PHLPP2: variants seen among roughly 807,000 people sequenced by gnomAD.
PHLPP2 encodes the protein PH domain leucine-rich repeat-containing protein phosphatase 2.
PHLPP2 carries 66 observed loss-of-function variants against 124.9 expected under a neutral mutation model. That is an observed-to-expected ratio of 0.53 (90% CI 0.43 to 0.65). The LOEUF (loss-of-function observed/expected upper bound fraction) is 0.65. Among genes scored for constraint, PHLPP2 ranks in the 30% least tolerant of loss-of-function variants. PHLPP2 has a pLI of 0.00. For missense variants in PHLPP2, 1,685 were observed against 1,600.4 expected, an observed-to-expected ratio of 1.05 and a Z score of -0.90; for synonymous variants, 681 against 624.7, an observed-to-expected ratio of 1.09 and a Z score of -1.34.
At position 71,663,664 on chromosome 16, in the gene PHLPP2, T is replaced by A. The variant is rs185694980; in HGVS notation, c.1985+235A>T. Among the ~76,000 whole-genome samples, 8 of 152,336 alleles carry A rather than the reference T, an allele frequency of 5.3e-5. 1 individual carries two copies. Among genetic ancestry groups the A allele is most frequent in the African/African-American group, 1.7e-4 (7 of 41,578 alleles). The stretch of plus-strand genomic sequence containing the variant: ...CTTTTCTAGATTGACTATTAGACCA[T>A]AATTAAGAAGTCACAACTAAAAATT... On this transcript the variant is annotated intron_variant, in intron 13 of 18. Transcript: ENST00000568954.
At chr16:71,720,728 G>T (rs1394554122) in intron 1 of PHLPP2, among the ~76,000 whole-genome samples, 1 of 152,124 alleles carries the variant, frequency 6.6e-6, no homozygotes, top group Non-Finnish European at 1.5e-5. Context: ...GCCAGGCGTA[G>T]TGGCACATGC....
chr16:71,680,358 T>C (rs548853725), intron 6 of PHLPP2, among the ~76,000 whole-genome samples: 1 of 152,304 alleles, frequency 6.6e-6, no homozygotes, highest in East Asian at 1.9e-4. Context: ...AGTTAGAGCT[T>C]GAAAATACAA....
intron 13 of PHLPP2, among the ~76,000 whole-genome samples, chr16:71,662,194 G>A (rs1435709290): frequency 6.6e-6 from 1 of 151,744 alleles, no homozygotes; most frequent in Non-Finnish European, 1.5e-5. Context: ...TACTTTGGGG[G>A]GCCAAGGTGG....
chr16:71,709,969 C>A (rs369443892), intron 2 of PHLPP2, among the ~76,000 whole-genome samples: 1 of 152,090 alleles, frequency 6.6e-6, no homozygotes, highest in Non-Finnish European at 1.5e-5. Flanking sequence ...AAGAAGTGCG[C>A]GCACTGGAAC....
intron 3 of PHLPP2, among the ~76,000 whole-genome samples, chr16:71,701,380 A>T (rs2045232343): frequency 6.6e-6 from 1 of 151,866 alleles, no homozygotes; most frequent in Non-Finnish European, 1.5e-5. Context: ...GTACATTATT[A>T]CTTTTCAAAG....
intron 9 of PHLPP2, among the ~76,000 whole-genome samples, chr16:71,675,858 G>A (rs2044940875): frequency 6.6e-6 from 1 of 152,140 alleles, no homozygotes; most frequent in East Asian, 1.9e-4. Flanking sequence ...TGAGTAGCTG[G>A]GACCACAGGT....
Position 71,658,325 on chromosome 16 carries a change from C to A in PHLPP2, c.2187G>T (p.Leu729=). 1.2e-6 allele frequency: 2 copies of A among 1,613,806 alleles called. No individual in the cohort carries two copies. Among genetic ancestry groups the A allele is most frequent in the Non-Finnish European group, 1.7e-6 (2 of 1,179,798 alleles). The change falls in exon 15 of 19, where the codon CTG becomes CTT. Residue 729 remains leucine, a synonymous_variant. Coordinates refer to ENST00000568954, the MANE Select transcript of PHLPP2 (RefSeq NM_015020.3). ...ATGTAGCAGGCAAAGCCTCTGGAAT[C>A]AGGATTTCTGTCAAGTCGTTGCAAC... is the stretch of plus-strand genomic sequence containing the variant. The part of the protein sequence containing the change: ...DLSCNDLTEI[L]IPEALPATLQ...
At position 71,673,411 on chromosome 16, in the gene PHLPP2, T is replaced by A. The variant is rs149679358; in HGVS notation, c.1472-1089A>T. Among the ~76,000 whole-genome samples the A allele has an allele frequency of 1.8e-3, 275 of 152,350 alleles. 1 individual carries two copies. Among genetic ancestry groups the A allele is most frequent in the African/African-American group, 6.1e-3 (253 of 41,596 alleles). On this transcript the variant is annotated intron_variant, in intron 9 of 18. Coordinates refer to ENST00000568954, the MANE Select transcript of PHLPP2 (RefSeq NM_015020.3). ...GCAGGAGTTTCAATTTGCATATCCCTGATGACTAGTCAAGTTCAGTGCTTT... is the reference window on the plus strand; with the variant it reads ...GCAGGAGTTTCAATTTGCATATCCCAGATGACTAGTCAAGTTCAGTGCTTT...
At position 71,714,502 on chromosome 16, in the gene PHLPP2, G is replaced by C. The variant is rs1027900514; in HGVS notation, c.284+10C>G. The C allele has an allele frequency of 1.3e-6, 2 of 1,586,876 alleles. No homozygotes were observed. Among genetic ancestry groups the C allele is most frequent in the Middle Eastern group, 3.4e-4 (2 of 5,878 alleles). On this transcript the variant is annotated intron_variant, in intron 2 of 18. Transcript: ENST00000568954. ...ACGGTAGAATTAGAGTGGTAAAACT[G>C]AGACCTCACCTGACCAGGTCTCCAT... is the stretch of plus-strand genomic sequence containing the variant.
chr16:71,670,866 C>T (rs1207783072), intron 10 of PHLPP2, among the ~76,000 whole-genome samples: 3 of 152,004 alleles, frequency 2.0e-5, no homozygotes, highest in African/African-American at 7.3e-5. Flanking sequence ...AATGAATACG[C>T]ATCTATATAA....
chr16:71,709,208 A>G (rs1462746791), intron 2 of PHLPP2, among the ~76,000 whole-genome samples: 1 of 152,186 alleles, frequency 6.6e-6, no homozygotes, highest in Non-Finnish European at 1.5e-5. Context: ...TTCAGTGGTA[A>G]TCAGTTCAGT....
intron 4 of PHLPP2, 41 bp from the exon 5 acceptor site, chr16:71,684,642 A>G: frequency 1.3e-6 from 2 of 1,553,188 alleles, no homozygotes; most frequent in Middle Eastern, 3.5e-4. Flanking sequence ...CACTAAAAAA[A>G]AAAATCCTAG....
In PHLPP2 at chr16:71,648,415, C is replaced by G. The variant is rs1477811253; in HGVS notation, c.*475G>C. 3 of 167,280 alleles carry G rather than the reference C, an allele frequency of 1.8e-5. No homozygotes were observed. Among genetic ancestry groups the G allele is most frequent in the Non-Finnish European group, 4.0e-5 (3 of 74,758 alleles). 10.4% of individuals were successfully genotyped at this position (167,280 alleles called of 1,614,324 possible). ...TGGCTACCAGTTTATCCAGAGCCAG[C>G]CCCTGATGGCTCTCACACTTTTTGG... On this transcript the variant is annotated 3_prime_UTR_variant, in exon 19 of 19. Coordinates refer to ENST00000568954, the MANE Select transcript of PHLPP2 (RefSeq NM_015020.3).
rs772356078 is a variant in PHLPP2, at chr16:71,658,235, A to G, written c.2277T>C (p.Phe759=). The change falls in exon 15 of 19, where the codon TTT becomes TTC. Residue 759 remains phenylalanine (F), a splice_region_variant and synonymous_variant. Coordinates refer to ENST00000568954, the MANE Select transcript of PHLPP2 (RefSeq NM_015020.3). ...LVLEHKTLDI[F]SHITTLKIDQ... ...TTCCATTTCAAATTTTTTCCTACCTAAATATGTCCAGTGTCTTGTGTTCCA... is the reference window on the plus strand; with the variant it reads ...TTCCATTTCAAATTTTTTCCTACCTGAATATGTCCAGTGTCTTGTGTTCCA... The G allele has an allele frequency of 6.2e-7, 1 of 1,612,936 alleles. No homozygotes were observed. The highest frequency in any genetic ancestry group is 8.5e-7 in the Non-Finnish European group (1 of 1,179,536).
rs1405496527 is a variant in PHLPP2 at position 71,646,875 on chromosome 16, A to C, written c.*2015T>G. Reference sequence around the variant, plus strand: ...TTTGACAATCTGGGGACTCAAGTTCAGATTCTCGAGGGGTTGAACATTAGA... The same window carrying C: ...TTTGACAATCTGGGGACTCAAGTTCCGATTCTCGAGGGGTTGAACATTAGA... On this transcript the variant is annotated 3_prime_UTR_variant, in exon 19 of 19. Transcript: ENST00000568954. 1 of 152,280 alleles carries C rather than the reference A, an allele frequency of 6.6e-6. No homozygotes were observed. Among genetic ancestry groups the C allele is most frequent in the Non-Finnish European group, 1.5e-5 (1 of 68,032 alleles). The allele number at this position is 152,280 out of a possible 1,614,324, so 9.4% of individuals were successfully genotyped here.
rs185507776 is a variant in PHLPP2 at position 71,724,585 on chromosome 16, G to A, written c.-263C>T. ...TAACTTCTTTTCTTTTCTTTGTTTTGTTTTTCTTTTCGTTCTCGCAGTGAT... is the reference window on the plus strand; with the variant it reads ...TAACTTCTTTTCTTTTCTTTGTTTTATTTTTCTTTTCGTTCTCGCAGTGAT... On this transcript the variant is annotated 5_prime_UTR_variant, in exon 1 of 19. Transcript: ENST00000568954. 1.3e-5 allele frequency: 2 copies of A among 151,956 alleles called. No individual in the cohort carries two copies. Among genetic ancestry groups the A allele is most frequent in the Non-Finnish European group, 2.9e-5 (2 of 68,006 alleles). 9.4% of individuals were successfully genotyped at this position (151,956 alleles called of 1,614,324 possible). A position where few individuals can be genotyped will look rare whatever the true frequency, so the allele number is the denominator to read the frequency against.
At chr16:71,683,183 A>G (rs1245973349) in intron 5 of PHLPP2, among the ~76,000 whole-genome samples, 1 of 152,028 alleles carries the variant, frequency 6.6e-6, no homozygotes. Flanking sequence ...AAAAAAAAGG[A>G]AAAGAAAAGT....
chr16:71,655,603 C>T (rs1320306687), intron 16 of PHLPP2, among the ~76,000 whole-genome samples, 169 bp from the exon 17 acceptor site: 1 of 151,234 alleles, frequency 6.6e-6, no homozygotes. Flanking sequence ...CCCAGGTTCA[C>T]GCCATTCTCC....
intron 3 of PHLPP2, among the ~76,000 whole-genome samples, chr16:71,696,222 A>G (rs1244225994): frequency 1.3e-5 from 2 of 152,216 alleles, no homozygotes; most frequent in South Asian, 2.1e-4. Context: ...TATTTTTGCA[A>G]TCGGGGAAAA....
Sources: allele counts gnomAD v4.1 joint callset (sites outside exome capture counted in the v4.1 genomes callset), GRCh38; gene constraint gnomAD v4.1.1; transcripts MANE v1.5; gene names NCBI Gene and HGNC (gene_info 2026-07-23, HGNC 2026-07-21).